MAML3: variants seen among roughly 807,000 people sequenced by gnomAD.
MAML3 encodes the protein mastermind-like protein 3.
Under a neutral mutation model 101.9 loss-of-function variants are expected in MAML3, and 27 were observed. That is an observed-to-expected ratio of 0.27 (90% CI 0.20 to 0.37). MAML3 has a LOEUF of 0.37. Among genes scored for constraint, MAML3 ranks in the 10% least tolerant of loss-of-function variants. MAML3 has a pLI of 1.00. For synonymous variants in MAML3, 501 were observed against 555.9 expected (o/e 0.90, Z 1.39); for missense variants, 1,316 against 1,444.9 (o/e 0.91, Z 1.45).
intron 1 of MAML3, among the ~76,000 whole-genome samples, chr4:139,897,608 C>T (rs1338216721): frequency 1.3e-5 from 2 of 152,172 alleles, no homozygotes; most frequent in Admixed American, 6.5e-5. Context: ...CATTCAGAGT[C>T]TCAATATGTC....
At chr4:139,885,081 T>C (rs566966829) in intron 2 of MAML3, among the ~76,000 whole-genome samples, 28 of 152,324 alleles carry the variant, frequency 1.8e-4, no homozygotes, top group African/African-American at 6.7e-4. Context: ...AAGTGAGGAC[T>C]TGAAACGTTC....
chr4:139,742,428 C>T (rs1051069735), intron 2 of MAML3, among the ~76,000 whole-genome samples: 42 of 152,284 alleles, frequency 2.8e-4, no homozygotes, highest in African/African-American at 9.9e-4. Context: ...GGACTACAGG[C>T]GAGAGCCACC....
At chr4:139,722,917 A>G (rs761328787) in intron 4 of MAML3, among the ~76,000 whole-genome samples, 2 of 152,250 alleles carry the variant, frequency 1.3e-5, no homozygotes, top group Non-Finnish European at 2.9e-5. Context: ...ATATATCTCA[A>G]ACCAATCAGT....
intron 1 of MAML3, among the ~76,000 whole-genome samples, chr4:140,067,563 T>G (rs78432806): frequency 0.034 from 5,219 of 152,258 alleles, 203 homozygotes; most frequent in African/African-American, 0.097. Flanking sequence ...CAGAGTTTTC[T>G]GTATTGTCTC....
At chr4:139,813,233 G>A (rs1370856346) in intron 2 of MAML3, among the ~76,000 whole-genome samples, 1 of 151,814 alleles carries the variant, frequency 6.6e-6, no homozygotes, top group Non-Finnish European at 1.5e-5. Flanking sequence ...TTACAGAAAC[G>A]AGAAGAAAAA....
intron 3 of MAML3, chr4:139,730,184 C>G: frequency 1.7e-6 from 1 of 580,808 alleles, no homozygotes; most frequent in South Asian, 2.1e-5. Flanking sequence ...GCACACAGGC[C>G]TTCAAATTGA....
chr4:139,982,644 T>C (rs1734464050), intron 1 of MAML3, among the ~76,000 whole-genome samples: 1 of 152,208 alleles, frequency 6.6e-6, no homozygotes, highest in Non-Finnish European at 1.5e-5. Context: ...CTTTATACCA[T>C]ACACTTTTTT....
At chr4:140,106,568 A>T (rs1199531634) in intron 1 of MAML3, among the ~76,000 whole-genome samples, 1 of 152,242 alleles carries the variant, frequency 6.6e-6, no homozygotes, top group Non-Finnish European at 1.5e-5. Flanking sequence ...AAAAATCAGT[A>T]TTTCCAAATA....
At chr4:139,771,108 A>C (rs1267846147) in intron 2 of MAML3, among the ~76,000 whole-genome samples, 2 of 152,204 alleles carry the variant, frequency 1.3e-5, no homozygotes, top group Non-Finnish European at 2.9e-5. Flanking sequence ...CCATTCATGA[A>C]GTCTTTACCC....
chr4:139,880,786 C>T (rs1732203152), intron 2 of MAML3, among the ~76,000 whole-genome samples: 1 of 152,126 alleles, frequency 6.6e-6, no homozygotes, highest in Non-Finnish European at 1.5e-5. Context: ...ATTCGATATT[C>T]AACAGAAAAG....
At chr4:139,908,486 T>C (rs1012329175) in intron 1 of MAML3, among the ~76,000 whole-genome samples, 3 of 152,192 alleles carry the variant, frequency 2.0e-5, no homozygotes, top group Admixed American at 1.3e-4. Flanking sequence ...TTAACCTACT[T>C]AATATAGAAA....
At chr4:139,895,980 T>G (rs537242908) in intron 1 of MAML3, among the ~76,000 whole-genome samples, 121 of 152,308 alleles carry the variant, frequency 7.9e-4, no homozygotes, top group African/African-American at 2.8e-3. Flanking sequence ...GAAGATGCTG[T>G]GCTATAATTT....
chr4:139,760,175 G>T (rs28694675), intron 2 of MAML3, among the ~76,000 whole-genome samples: 45,894 of 152,088 alleles, frequency 0.3, 7,193 homozygotes, highest in African/African-American at 0.38. Flanking sequence ...GAGTGATAAG[G>T]CACTGTCACT....
intron 2 of MAML3, among the ~76,000 whole-genome samples, chr4:139,760,705 C>T (rs1219999131): frequency 6.6e-6 from 1 of 152,188 alleles, no homozygotes; most frequent in African/African-American, 2.4e-5. Flanking sequence ...CTACTATATT[C>T]TATACCCATC....
chr4:140,106,115 G>GAAA (rs59770042), intron 1 of MAML3, among the ~76,000 whole-genome samples: 1,370 of 89,050 alleles, frequency 0.015, 8 homozygotes, highest in East Asian at 0.068. Flanking sequence ...CTGACTTCAA[G>GAAA]AAAAAAAAAA....
chr4:139,908,242 C>T (rs897090328), intron 1 of MAML3, among the ~76,000 whole-genome samples: 6 of 145,760 alleles, frequency 4.1e-5, no homozygotes, highest in East Asian at 1.9e-4. Flanking sequence ...TTTATGTAAA[C>T]CATATGTTTA....
At chr4:139,824,698 G>A (rs540104944) in intron 2 of MAML3, among the ~76,000 whole-genome samples, 16 of 152,316 alleles carry the variant, frequency 1.1e-4, no homozygotes, top group Admixed American at 2.0e-4. Flanking sequence ...TTCAATAAAT[G>A]ACCTAGCAAA....
intron 2 of MAML3, among the ~76,000 whole-genome samples, chr4:139,874,395 T>C (rs1395379186): frequency 6.6e-6 from 1 of 152,178 alleles, no homozygotes. Context: ...AAGATTGATT[T>C]TTTTTAAAAA....
intron 1 of MAML3, among the ~76,000 whole-genome samples, chr4:140,028,018 A>C (rs1307164353): frequency 6.6e-6 from 1 of 152,216 alleles, no homozygotes; most frequent in Non-Finnish European, 1.5e-5. Context: ...ATTTGTTAGC[A>C]ATGTAGTTTT....
Sources: allele counts gnomAD v4.1 joint callset (sites outside exome capture counted in the v4.1 genomes callset), GRCh38; gene constraint gnomAD v4.1.1; transcripts MANE v1.5; gene names NCBI Gene and HGNC (gene_info 2026-07-23, HGNC 2026-07-21).